The following LIG1 variants were observed in gnomAD, a reference collection of about 807,000 sequenced individuals.
LIG1 encodes ligase I, DNA, ATP-dependent.
In LIG1, 70 loss-of-function variants were observed where a neutral mutation model predicts 115.7. That is an observed-to-expected ratio of 0.60 (90% CI 0.50 to 0.74). The LOEUF is 0.74. Ranked by LOEUF, LIG1 falls within the 30% of genes least tolerant of loss-of-function variation. The probability of loss-of-function intolerance (pLI) is 0.00; values close to 1 mark genes in which losing one functional copy is unlikely to be tolerated. For missense variants in LIG1, 1,115 were observed against 1,225.6 expected (o/e 0.91, Z 1.35); for synonymous variants, 487 against 495.3 (o/e 0.98, Z 0.22).
In LIG1 at chr19:48,136,091, C is replaced by T. The variant is rs2034371107; in HGVS notation, c.1366G>A (p.Glu456Lys). The T allele has an allele frequency of 1.3e-6, 2 of 1,573,884 alleles. No homozygotes were observed. Among genetic ancestry groups the T allele is most frequent in the Admixed American group, 1.8e-5 (1 of 54,754 alleles). Residue 456 changes from glutamate (E) to lysine (K), a missense_variant, in exon 15 of 28, where the codon GAG becomes AAG. Glu to Lys is a moderately conservative substitution (Grantham distance 56). Transcript: ENST00000263274. ...GAGAGGGCAGCCAGCACCGACTGCT[C>T]TGCCAGCCCAAGGCGCAGCCGTCCG... ...LSGRLRLGLA[E>K]QSVLAALSQA...
At position 48,115,493 on chromosome 19, in the gene LIG1, G is replaced by C. The variant is rs2032728023; in HGVS notation, c.*156C>G. On this transcript the variant is annotated 3_prime_UTR_variant, in exon 28 of 28. Transcript: ENST00000263274. ...GAAAGAAATGACGGGATGAATCCCA[G>C]ACTCCGGAGTAAGCCACCCCCTCAC... 7.6e-6 allele frequency: 5 copies of C among 654,908 alleles called. No individual in the cohort carries two copies. The highest frequency in any genetic ancestry group is 4.6e-5 in the Admixed American group (2 of 43,674). 40.6% of individuals were successfully genotyped at this position (654,908 alleles called of 1,614,324 possible).
In LIG1 at chr19:48,133,091, G is replaced by A. The variant is rs1176932478; in HGVS notation, c.1616C>T (p.Pro539Leu). 2 of 1,605,206 alleles carry A rather than the reference G, an allele frequency of 1.2e-6. No homozygotes were observed. The highest frequency in any genetic ancestry group is 1.7e-6 in the Non-Finnish European group (2 of 1,171,910). ...GGGATGGGCCAACATTGGTTTCAGG[G>A]GAATCCCTGGGAAAGGAGGAGAGTG... ...PEHCKLSPGI[P>L]LKPMLAHPTR... The change falls in exon 18 of 28, where the codon CCC (proline) becomes CTC (leucine). Residue 539 changes from proline (P) to leucine (L), a missense_variant. Coordinates refer to ENST00000263274, the MANE Select transcript of LIG1 (RefSeq NM_000234.3).
intron 25 of LIG1, 29 bp downstream of exon 25, chr19:48,119,108 G>A (rs775357413): frequency 4.5e-6 from 7 of 1,551,352 alleles, no homozygotes; most frequent in East Asian, 4.8e-5. Context: ...GAGAGGGGTG[G>A]AGGCTGAGGC....
intron 4 of LIG1, among the ~76,000 whole-genome samples, chr19:48,159,143 T>A (rs1422159421): frequency 6.6e-6 from 1 of 151,800 alleles, no homozygotes; most frequent in Non-Finnish European, 1.5e-5. Context: ...AATGGCACGA[T>A]CTCGGCTCAC....
At chr19:48,165,685 A>G in intron 1 of LIG1, 62 bp from the exon 2 acceptor site, 1 of 1,175,010 alleles carries the variant, frequency 8.5e-7, no homozygotes, top group Non-Finnish European at 1.3e-6. Context: ...AAACACACAT[A>G]AAACCCTTTC....
chr19:48,128,925 G>A (rs2033845345), intron 19 of LIG1, among the ~76,000 whole-genome samples: 1 of 152,122 alleles, frequency 6.6e-6, no homozygotes, highest in Non-Finnish European at 1.5e-5. Flanking sequence ...ACCATGCCTG[G>A]ATAAATTTTG....
Position 48,137,971 on chromosome 19 carries a change from G to A in LIG1, c.1088-283C>T, listed in dbSNP as rs1486660465. The A allele has an allele frequency of 1.9e-6, 1 of 530,052 alleles. No homozygotes were observed. The highest frequency in any genetic ancestry group is 3.4e-6 in the Non-Finnish European group (1 of 289,964). The allele number at this position is 530,052 out of a possible 1,614,324, so 32.8% of individuals were successfully genotyped here. ...GGAGACATCTGGGCCGGTGTCATCAGGGCGCGGATGGGATTTAAAGCCACA... is the reference window on the plus strand; with the variant it reads ...GGAGACATCTGGGCCGGTGTCATCAAGGCGCGGATGGGATTTAAAGCCACA... On this transcript the variant is annotated intron_variant, in intron 12 of 27. Coordinates refer to ENST00000263274, the MANE Select transcript of LIG1 (RefSeq NM_000234.3). The surrounding 1 kb of genome is among the most constrained non-coding windows in gnomAD (Gnocchi z 4.3).
chr19:48,154,181 C>T (rs1361373269), intron 5 of LIG1: 4 of 584,748 alleles, frequency 6.8e-6, no homozygotes, highest in South Asian at 1.8e-5. Context: ...TTTCTCTGTG[C>T]TTTGCTCTCT....
chr19:48,137,462 C>T lies in LIG1; in HGVS notation c.1254+60G>A, dbSNP rs779205664. On this transcript the variant is annotated intron_variant, in intron 13 of 27. Coordinates refer to ENST00000263274, the MANE Select transcript of LIG1 (RefSeq NM_000234.3). The surrounding 1 kb of genome is among the most constrained non-coding windows in gnomAD (Gnocchi z 4.3). ...TCTACCCAGAAGCCTTCCTGACACA[C>T]GCGTGGCCTCAGGTCCCCAAGATGT... The T allele has an allele frequency of 5.6e-6, 9 of 1,593,806 alleles. No individual in the cohort carries two copies. Among genetic ancestry groups the T allele is most frequent in the Admixed American group, 1.7e-5 (1 of 59,388 alleles).
chr19:48,136,064 G>T lies in LIG1; in HGVS notation c.1393C>A (p.Gln465Lys). The change falls in exon 15 of 28, where the codon CAG becomes AAG. Residue 465 changes from glutamine to lysine, a missense_variant. By Grantham distance (53) the Gln-to-Lys change is moderately conservative. Transcript: ENST00000263274. ...AEQSVLAALS[Q>K]AVSLTPPGQE... ...CCCGGGGGCGTGAGGCTCACTGCCT[G>T]GGAGAGGGCAGCCAGCACCGACTGC... The T allele has an allele frequency of 6.4e-7, 1 of 1,571,272 alleles. No homozygotes were observed. The highest frequency in any genetic ancestry group is 8.6e-7 in the Non-Finnish European group (1 of 1,158,816).
intron 23 of LIG1, 132 bp from the exon 24 acceptor site, chr19:48,121,454 C>A: frequency 3.6e-6 from 3 of 840,316 alleles, no homozygotes; most frequent in Non-Finnish European, 5.3e-6. Flanking sequence ...GAAGGAACCC[C>A]AAGGATGGCC....
intron 6 of LIG1, 99 bp downstream of exon 6, chr19:48,153,773 C>CACACCCACTT: frequency 3.0e-6 from 1 of 337,484 alleles, no homozygotes; most frequent in Non-Finnish European, 5.3e-6. Context: ...CACACACACA[C>CACACCCACTT]CTCTCCTTCT....
chr19:48,120,949 T>C (rs2033222605), intron 24 of LIG1: 1 of 1,410,622 alleles, frequency 7.1e-7, no homozygotes, highest in Non-Finnish European at 9.2e-7. Context: ...TCTCAATCTC[T>C]CACTGACACA....
At chr19:48,117,611 G>C in intron 26 of LIG1, 27 bp downstream of exon 26, 1 of 1,609,614 alleles carries the variant, frequency 6.2e-7, no homozygotes, top group South Asian at 1.1e-5. Flanking sequence ...CCCACACAGG[G>C]CCACGGCCAG....
intron 16 of LIG1, among the ~76,000 whole-genome samples, chr19:48,135,077 T>C (rs1238886229): frequency 6.6e-6 from 1 of 152,238 alleles, no homozygotes; most frequent in Non-Finnish European, 1.5e-5. Flanking sequence ...CCTTAAGGCC[T>C]TTCTGCATGC....
chr19:48,133,617 T>C, intron 17 of LIG1: 1 of 336,100 alleles, frequency 3.0e-6, no homozygotes, highest in Non-Finnish European at 5.8e-6. Context: ...TATTTACTTA[T>C]TTATTGTCTC....
At chr19:48,119,455 T>C (rs1283400923) in intron 24 of LIG1, among the ~76,000 whole-genome samples, 1 of 150,376 alleles carries the variant, frequency 6.6e-6, no homozygotes. Context: ...ACTGTCTCCC[T>C]GGCCCCAGGA....
rs147754942 is a variant in LIG1, at chr19:48,163,379, G to A, written c.18-1028C>T. 8.4e-3 allele frequency among the ~76,000 whole-genome samples: 1,279 copies of A among 151,966 alleles called. 15 individuals are homozygous for A. Among genetic ancestry groups the A allele is most frequent in the African/African-American group, 0.029 (1,205 of 41,436 alleles). On this transcript the variant is annotated intron_variant, in intron 2 of 27. Transcript: ENST00000263274. ...TGAGATTACAGGTGGCCGCCACCAC[G>A]CCCGGCTAATTTTTTTCATTTAGTA...
At chr19:48,138,624 G>A (rs908907623) in intron 12 of LIG1, among the ~76,000 whole-genome samples, 2 of 152,178 alleles carry the variant, frequency 1.3e-5, no homozygotes, top group African/African-American at 4.8e-5. Context: ...CAGCCACGGG[G>A]GCCACAAGGC....
Sources: allele counts gnomAD v4.1 joint callset (sites outside exome capture counted in the v4.1 genomes callset), GRCh38; gene constraint gnomAD v4.1.1; non-coding constraint Gnocchi (gnomAD v3.1); transcripts MANE v1.5; gene names NCBI Gene and HGNC (gene_info 2026-07-23, HGNC 2026-07-21).